PLLP: variants seen among roughly 807,000 people sequenced by gnomAD.
PLLP encodes the protein plasma membrane proteolipid (plasmolipin).
PLLP carries 15 observed loss-of-function variants against 19.7 expected under a neutral mutation model. The observed-to-expected ratio is 0.76, with a 90% CI of 0.51 to 1.17. The LOEUF (loss-of-function observed/expected upper bound fraction) is 1.17, where lower values mean the gene tolerates loss of function less well. Ranked by LOEUF, PLLP falls within the 50% of genes most tolerant of loss-of-function variation. The pLI is 0.00. For missense variants in PLLP, 255 were observed against 258.3 expected (o/e 0.99, Z 0.09); for synonymous variants, 111 against 116.3 (o/e 0.95, Z 0.29).
At chr16:57,264,286 A>G (rs2075450476) in intron 1 of PLLP, among the ~76,000 whole-genome samples, 2 of 152,256 alleles carry the variant, frequency 1.3e-5, no homozygotes, top group South Asian at 2.1e-4. Flanking sequence ...CTGGCTTGGG[A>G]AGGGTATGGC....
chr16:57,271,538 G>A (rs1431635346), intron 1 of PLLP, among the ~76,000 whole-genome samples: 4 of 151,944 alleles, frequency 2.6e-5, no homozygotes, highest in African/African-American at 7.3e-5. Context: ...CCAGCTACTC[G>A]GGAGGCTGAG....
In PLLP at chr16:57,258,522, C is replaced by A. The variant is rs368809425; in HGVS notation, c.372G>T (p.Ala124=). Residue 124 remains alanine (A), a synonymous_variant, in exon 3 of 4, where the codon GCG becomes GCT. Coordinates refer to ENST00000219207, the MANE Select transcript of PLLP (RefSeq NM_015993.3). ...LYITAFIACS[A]AVDLTSLRGT... is the part of the protein sequence containing the mutation. Reference sequence around the variant, plus strand: ...CCCTCAGGGATGTCAGGTCAACTGCCGCAGAGCAGGCGATGAAGGCGGTGA... The same window carrying A: ...CCCTCAGGGATGTCAGGTCAACTGCAGCAGAGCAGGCGATGAAGGCGGTGA... 1.9e-6 allele frequency: 3 copies of A among 1,613,268 alleles called. No individual in the cohort carries two copies. Among genetic ancestry groups the A allele is most frequent in the Non-Finnish European group, 2.5e-6 (3 of 1,179,934 alleles).
intron 1 of PLLP, among the ~76,000 whole-genome samples, chr16:57,265,567 G>C (rs1827709234): frequency 6.6e-6 from 1 of 152,194 alleles, no homozygotes. Context: ...CCTGTCCCAT[G>C]ACTCACAGCC....
chr16:57,266,365 C>T (rs915020856), intron 1 of PLLP, among the ~76,000 whole-genome samples: 1 of 152,216 alleles, frequency 6.6e-6, no homozygotes, highest in East Asian at 1.9e-4. Flanking sequence ...TGCCCTAGAA[C>T]AAGGAAGGTT....
chr16:57,284,066 G>T (rs1387848208), intron 1 of PLLP, among the ~76,000 whole-genome samples: 2 of 152,162 alleles, frequency 1.3e-5, no homozygotes, highest in Non-Finnish European at 2.9e-5. Context: ...CGGGTTGTGC[G>T]CAGTGACTGT....
At chr16:57,259,902 G>A (rs1316066354) in intron 2 of PLLP, among the ~76,000 whole-genome samples, 3 of 151,878 alleles carry the variant, frequency 2.0e-5, no homozygotes, top group African/African-American at 7.3e-5. Context: ...ACTTGAACCT[G>A]GGAGGCAGGG....
intron 1 of PLLP, among the ~76,000 whole-genome samples, chr16:57,262,582 A>G (rs1944576861): frequency 6.7e-6 from 1 of 149,154 alleles, no homozygotes; most frequent in Non-Finnish European, 1.5e-5. Context: ...AATAATAATA[A>G]TAGTTAGCCA....
chr16:57,275,527 GA>G (rs1211644060), intron 1 of PLLP, among the ~76,000 whole-genome samples: 1 of 141,570 alleles, frequency 7.1e-6, no homozygotes, highest in East Asian at 2.1e-4. Flanking sequence ...CAACTGGAGT[GA>G]AAAAGACTGA....
chr16:57,256,208 C>CTA lies in PLLP; in HGVS notation c.*703_*704dup. The CTA allele has an allele frequency of 2.5e-6, 1 of 395,416 alleles. No individual in the cohort carries two copies. The highest frequency in any genetic ancestry group is 4.5e-6 in the Non-Finnish European group (1 of 224,620). 24.5% of individuals were successfully genotyped at this position (395,416 alleles called of 1,614,324 possible). On this transcript the variant is annotated 3_prime_UTR_variant, in exon 4 of 4. Coordinates refer to ENST00000219207, the MANE Select transcript of PLLP (RefSeq NM_015993.3). The stretch of plus-strand genomic sequence containing the variant: ...CCTCCCTCCTTTGCGTCCCATGTGC[C>CTA]TAGTCAGCAAGGTCGGGGAGGCACC...
chr16:57,270,152 C>T (rs569766257), intron 1 of PLLP, among the ~76,000 whole-genome samples: 1 of 152,226 alleles, frequency 6.6e-6, no homozygotes, highest in South Asian at 2.1e-4. Context: ...GCAGCAAATC[C>T]TTCCATGGCC....
chr16:57,267,337 G>A (rs1198953881), intron 1 of PLLP, among the ~76,000 whole-genome samples: 1 of 152,180 alleles, frequency 6.6e-6, no homozygotes, highest in African/African-American at 2.4e-5. Flanking sequence ...GGGAGCCTGA[G>A]GTGCATGATC....
At chr16:57,281,826 C>T (rs1485774306) in intron 1 of PLLP, among the ~76,000 whole-genome samples, 1 of 152,060 alleles carries the variant, frequency 6.6e-6, no homozygotes, top group Non-Finnish European at 1.5e-5. Flanking sequence ...AAGCAGATTT[C>T]TAAGGCACTA....
intron 1 of PLLP, among the ~76,000 whole-genome samples, chr16:57,266,259 G>A (rs963357043): frequency 1.3e-5 from 2 of 152,034 alleles, no homozygotes; most frequent in South Asian, 4.2e-4. Context: ...AGCGAACACA[G>A]CGTCCAGATG....
chr16:57,266,387 T>A (rs2146442327), intron 1 of PLLP, among the ~76,000 whole-genome samples: 1 of 152,344 alleles, frequency 6.6e-6, no homozygotes, highest in East Asian at 1.9e-4. Context: ...GTTCCTGCAT[T>A]TGAACCAGAC....
At chr16:57,270,507 G>C (rs2075471343) in intron 1 of PLLP, among the ~76,000 whole-genome samples, 1 of 151,754 alleles carries the variant, frequency 6.6e-6, no homozygotes, top group African/African-American at 2.4e-5. Flanking sequence ...CCCCTCACTG[G>C]GGACACATCT....
chr16:57,268,477 C>A (rs1255713708), intron 1 of PLLP, among the ~76,000 whole-genome samples: 1 of 152,010 alleles, frequency 6.6e-6, no homozygotes, highest in Non-Finnish European at 1.5e-5. Flanking sequence ...ATGTATCTAC[C>A]CCCTAGGGTG....
intron 1 of PLLP, among the ~76,000 whole-genome samples, chr16:57,282,057 T>C (rs1172946514): frequency 6.6e-6 from 1 of 152,088 alleles, no homozygotes; most frequent in Non-Finnish European, 1.5e-5. Flanking sequence ...GCTGGATTGC[T>C]GAGGCCACAG....
intron 1 of PLLP, among the ~76,000 whole-genome samples, chr16:57,282,083 A>G (rs1250256606): frequency 7.4e-6 from 1 of 135,708 alleles, no homozygotes; most frequent in Non-Finnish European, 1.6e-5. Flanking sequence ...GCCCCCACCC[A>G]TCCCAACCCC....
intron 1 of PLLP, among the ~76,000 whole-genome samples, chr16:57,280,510 G>C (rs1901206691): frequency 6.6e-6 from 1 of 151,844 alleles, no homozygotes; most frequent in African/African-American, 2.4e-5. Context: ...AAAACCAAAA[G>C]AGTTATCTGT....
Sources: allele counts gnomAD v4.1 joint callset (sites outside exome capture counted in the v4.1 genomes callset), GRCh38; gene constraint gnomAD v4.1.1; transcripts MANE v1.5; gene names NCBI Gene and HGNC (gene_info 2026-07-23, HGNC 2026-07-21).